The following CA4 variants were observed in gnomAD, a reference collection of about 807,000 sequenced individuals.
CA4 encodes the protein CA-IV.
Under a neutral mutation model 34.5 loss-of-function variants are expected in CA4, and 24 were observed. The observed-to-expected ratio is 0.70, with a 90% CI of 0.50 to 0.98. The LOEUF is 0.98. CA4 is among the 50% of genes least tolerant of loss of function. The pLI is 0.00. For synonymous variants in CA4, 178 were observed against 170.6 expected (o/e 1.04, Z -0.34); for missense variants, 394 against 396.7 (o/e 0.99, Z 0.06).
intron 3 of CA4, chr17:60,157,081 C>A: frequency 1.9e-6 from 1 of 519,046 alleles, no homozygotes; most frequent in Admixed American, 3.2e-5. Context: ...TGGGCTGGGG[C>A]CCAAGGGCAG....
chr17:60,167,996 C>T (rs747303555), intron 5 of CA4, among the ~76,000 whole-genome samples: 12 of 152,092 alleles, frequency 7.9e-5, no homozygotes, highest in Non-Finnish European at 1.3e-4. Context: ...TGGCCTCCTG[C>T]GAGACACCTC....
downstream of CA4, among the ~76,000 whole-genome samples, chr17:60,164,265 G>T (rs78024999): frequency 0.012 from 1,478 of 126,192 alleles, 33 homozygotes; most frequent in African/African-American, 0.041. Flanking sequence ...CCGTCTTTCC[G>T]TCCTTCCCTC....
intron 1 of CA4, among the ~76,000 whole-genome samples, chr17:60,152,417 G>A (rs1213117526): frequency 3.9e-5 from 6 of 152,188 alleles, no homozygotes; most frequent in Non-Finnish European, 7.3e-5. Flanking sequence ...TTACAAGTGC[G>A]TTCAGCCAAG....
downstream of CA4, among the ~76,000 whole-genome samples, chr17:60,160,862 G>A (rs985728130): frequency 4.6e-5 from 7 of 150,774 alleles, no homozygotes; most frequent in African/African-American, 1.5e-4. Context: ...AAATGTTGAG[G>A]TGCGGCAGGG....
chr17:60,150,986 A>G (rs2083582990), intron 1 of CA4, among the ~76,000 whole-genome samples: 1 of 152,164 alleles, frequency 6.6e-6, no homozygotes. Flanking sequence ...GTCTTTCCGG[A>G]CAGGGTGATT....
chr17:60,167,326 G>A (rs189562144), intron 5 of CA4, among the ~76,000 whole-genome samples: 6 of 152,276 alleles, frequency 3.9e-5, no homozygotes, highest in African/African-American at 9.6e-5. Context: ...ACCACTCCCC[G>A]CAGTCTTGCT....
chr17:60,157,042 G>T (rs910949526), intron 3 of CA4: 1 of 519,072 alleles, frequency 1.9e-6, no homozygotes, highest in Admixed American at 3.2e-5. Context: ...GTGAAGCCAG[G>T]CAGAGCCCAA....
Position 60,159,512 on chromosome 17 carries a change from G to C in CA4, c.*88G>C. 1 of 1,412,116 alleles carries C rather than the reference G, an allele frequency of 7.1e-7. No homozygotes were observed. Among genetic ancestry groups the C allele is most frequent in the Non-Finnish European group, 9.8e-7 (1 of 1,023,846 alleles). 87.5% of individuals were successfully genotyped at this position (1,412,116 alleles called of 1,614,324 possible). ...CTTAGCCTTCCCAGGTGGGACTTTA[G>C]GCATGATTAAAATATGGACATATTT... On this transcript the variant is annotated 3_prime_UTR_variant, in exon 8 of 8. Coordinates refer to ENST00000300900, the MANE Select transcript of CA4 (RefSeq NM_000717.5).
In CA4 at chr17:60,159,314, G is replaced by C. The variant is rs1174913939; in HGVS notation, c.829G>C (p.Gly277Arg). Residue 277 changes from glycine (G) to arginine (R), a missense_variant, in exon 8 of 8, where the codon GGG becomes CGG. By Grantham distance (125) the Gly-to-Arg change is moderately radical (BLOSUM62 -2). Coordinates refer to ENST00000300900, the MANE Select transcript of CA4 (RefSeq NM_000717.5). ...CAATGTCAGGCCCCTGCAGCAGCTG[G>C]GGCAGCGCACGGTGATAAAGTCCGG... ...KDNVRPLQQLGQRTVIKSGAP... is the reference protein window; with the variant it reads ...KDNVRPLQQLRQRTVIKSGAP... 1 of 1,609,968 alleles carries C rather than the reference G, an allele frequency of 6.2e-7. No individual in the cohort carries two copies. The highest frequency in any genetic ancestry group is 1.7e-5 in the Admixed American group (1 of 59,550).
chr17:60,153,246 G>A (rs2083621667), intron 1 of CA4, among the ~76,000 whole-genome samples: 1 of 152,156 alleles, frequency 6.6e-6, no homozygotes, highest in African/African-American at 2.4e-5. Flanking sequence ...GCTGAGGCAG[G>A]AGAATTGCTT....
intron 1 of CA4, among the ~76,000 whole-genome samples, chr17:60,155,046 C>T (rs2145262843): frequency 6.6e-6 from 1 of 152,332 alleles, no homozygotes; most frequent in Non-Finnish European, 1.5e-5. Context: ...GATGAGTGGC[C>T]TCAGAGGGCT....
chr17:60,171,518 A>G (rs1400180960), downstream of CA4, among the ~76,000 whole-genome samples: 1 of 152,228 alleles, frequency 6.6e-6, no homozygotes, highest in Non-Finnish European at 1.5e-5. Flanking sequence ...CATGATTTCT[A>G]GCAGACCAAA....
chr17:60,161,831 G>A (rs2083793646), downstream of CA4, among the ~76,000 whole-genome samples: 3 of 152,098 alleles, frequency 2.0e-5, no homozygotes, highest in South Asian at 6.2e-4. Context: ...CCTGGAACCT[G>A]TTCTTTGGTT....
At chr17:60,175,660 C>T (rs554094986), downstream of CA4, among the ~76,000 whole-genome samples, 2 of 61,502 alleles carry the variant, frequency 3.3e-5, no homozygotes, top group South Asian at 7.4e-4. Flanking sequence ...CAGAGTGAAA[C>T]TCCGTCTCAA....
At chr17:60,154,917 C>T in intron 1 of CA4, among the ~76,000 whole-genome samples, 1 of 152,228 alleles carries the variant, frequency 6.6e-6, no homozygotes, top group East Asian at 1.9e-4. Context: ...GGAGGCTGGG[C>T]CAAGTCCTCC....
chr17:60,162,481 G>T (rs1274889865), downstream of CA4, among the ~76,000 whole-genome samples: 1 of 151,740 alleles, frequency 6.6e-6, no homozygotes, highest in African/African-American at 2.4e-5. Context: ...CACAAAGAGG[G>T]TCCAGCCTGG....
downstream of CA4, among the ~76,000 whole-genome samples, chr17:60,161,626 A>G (rs1185321263): frequency 7.9e-6 from 1 of 126,110 alleles, no homozygotes; most frequent in East Asian, 2.3e-4. Context: ...GCCCCTGACC[A>G]CCCCCAGTCA....
chr17:60,156,549 T>A lies in CA4; in HGVS notation c.113-11T>A, dbSNP rs1219763987. 12 of 1,613,998 alleles carry A rather than the reference T, an allele frequency of 7.4e-6. No homozygotes were observed. The highest frequency in any genetic ancestry group is 9.3e-6 in the Non-Finnish European group (11 of 1,179,982). On this transcript the variant is annotated splice_polypyrimidine_tract_variant and intron_variant, in intron 2 of 7. Coordinates refer to ENST00000300900, the MANE Select transcript of CA4 (RefSeq NM_000717.5). Reference sequence around the variant, plus strand: ...CACCCGACTCTCAGCCCACCTTCTCTCCCTGCTCAGTGCCAGTCAAGTGGG... The same window carrying A: ...CACCCGACTCTCAGCCCACCTTCTCACCCTGCTCAGTGCCAGTCAAGTGGG...
Position 60,156,616 on chromosome 17 carries a change from G to T in CA4, c.169G>T (p.Val57Phe), listed in dbSNP as rs769214297. ...QKDRQSPINI[V>F]TTKAKVDKKL... ...GGACCGCCAGTCCCCCATCAACATC[G>T]TCACCACCAAGGCAAAGGTGGACAA... The change falls in exon 3 of 8, where the codon GTC becomes TTC. Residue 57 changes from valine (V) to phenylalanine (F), a missense_variant. Val to Phe is a conservative substitution (Grantham distance 50, BLOSUM62 -1). Transcript: ENST00000300900. 1 of 1,613,970 alleles carries T rather than the reference G, an allele frequency of 6.2e-7. No individual in the cohort carries two copies. Among genetic ancestry groups the T allele is most frequent in the South Asian group, 1.1e-5 (1 of 91,086 alleles).
Sources: allele counts gnomAD v4.1 joint callset (sites outside exome capture counted in the v4.1 genomes callset), GRCh38; gene constraint gnomAD v4.1.1; transcripts MANE v1.5; gene names NCBI Gene and HGNC (gene_info 2026-07-23, HGNC 2026-07-21).